DROSHA: variants seen among roughly 807,000 people sequenced by gnomAD.
DROSHA encodes drosha ribonuclease III, also known as ribonuclease 3.
Under a neutral mutation model 181.9 loss-of-function variants are expected in DROSHA, and 56 were observed. The observed-to-expected ratio is 0.31, with a 90% CI of 0.25 to 0.38. The LOEUF (loss-of-function observed/expected upper bound fraction) is 0.38, where lower values mean the gene tolerates loss of function less well. Ranked by LOEUF, DROSHA falls within the 10% of genes least tolerant of loss-of-function variation. The pLI is 1.00. For synonymous variants in DROSHA, 524 were observed against 591.2 expected, an observed-to-expected ratio of 0.89 and a Z score of 1.65; for missense variants, 1,218 against 1,743.5, an observed-to-expected ratio of 0.70 and a Z score of 5.37.
At chr5:31,482,300 G>A (rs1368478010) in intron 16 of DROSHA, among the ~76,000 whole-genome samples, 3 of 152,088 alleles carry the variant, frequency 2.0e-5, no homozygotes, top group Admixed American at 6.5e-5. Flanking sequence ...ACATTAACTC[G>A]GAGATGATGG....
chr5:31,429,509 T>C lies in DROSHA; in HGVS notation c.3182A>G (p.Lys1061Arg). The change falls in exon 27 of 36, where the codon AAG (lysine) becomes AGG (arginine). Residue 1061 changes from lysine (K) to arginine (R), a missense_variant. By Grantham distance (26) the Lys-to-Arg change is conservative (BLOSUM62 2). Transcript: ENST00000344624. ...AAAGAGCAAGCGTCCAAATAACTGC[T>C]TGGCTTCCTCCAGGCTTCCCTCCAA... The part of the protein sequence containing the change: ...VYLEGSLEEA[K>R]QLFGRLLFND... The C allele has an allele frequency of 1.9e-6, 3 of 1,612,394 alleles. No homozygotes were observed. Among genetic ancestry groups the C allele is most frequent in the Non-Finnish European group, 2.5e-6 (3 of 1,178,994 alleles).
intron 20 of DROSHA, 103 bp from the exon 21 acceptor site, chr5:31,451,743 T>C (rs1396714934): frequency 2.3e-6 from 2 of 886,516 alleles, no homozygotes; most frequent in African/African-American, 3.4e-5. Context: ...CCAAATTCCA[T>C]CTCACTAAGT....
chr5:31,418,281 C>G (rs1407139390), intron 30 of DROSHA, among the ~76,000 whole-genome samples: 4 of 150,848 alleles, frequency 2.7e-5, no homozygotes, highest in East Asian at 3.9e-4. Flanking sequence ...GAGAGAGAGA[C>G]ACAGAGAGAG....
chr5:31,426,098 CTG>C (rs1383333956), intron 27 of DROSHA, among the ~76,000 whole-genome samples: 1 of 152,080 alleles, frequency 6.6e-6, no homozygotes, highest in African/African-American at 2.4e-5. Flanking sequence ...CGAAACAAGA[CTG>C]TGATTCCTCC....
chr5:31,415,042 T>C (rs985746260), intron 30 of DROSHA, among the ~76,000 whole-genome samples: 1 of 152,370 alleles, frequency 6.6e-6, no homozygotes, highest in East Asian at 1.9e-4. Flanking sequence ...GAATCCAGGA[T>C]GTTTTCTATT....
At chr5:31,500,786 G>A (rs1753499880) in intron 11 of DROSHA, among the ~76,000 whole-genome samples, 1 of 152,210 alleles carries the variant, frequency 6.6e-6, no homozygotes, top group Admixed American at 6.5e-5. Flanking sequence ...AGGACTAAGT[G>A]CTGGAAGCCA....
chr5:31,491,185 TA>T (rs11301107), intron 13 of DROSHA, among the ~76,000 whole-genome samples: 16,637 of 140,212 alleles, frequency 0.12, 1,175 homozygotes, highest in East Asian at 0.23. Context: ...TGTCCAAGGT[TA>T]AAAAAAAAAA....
rs1749587317 is a variant in DROSHA, at chr5:31,470,313, G to A, written c.2241+1750C>T. ...GCACCCCTGGCAAGCCTATCCCAGT[G>A]ATAGCTCCTAAAATGAGAGGCTTTC... On this transcript the variant is annotated intron_variant, in intron 17 of 35. Transcript: ENST00000344624. This position sits in a 1 kb window ranked among gnomAD's most constrained non-coding sequence, Gnocchi z 4.0. Among the ~76,000 whole-genome samples, 1 of 152,178 alleles carries A rather than the reference G, an allele frequency of 6.6e-6. No homozygotes were observed. The highest frequency in any genetic ancestry group is 6.5e-5 in the Admixed American group (1 of 15,272).
chr5:31,467,319 C>T (rs185599454), intron 18 of DROSHA: 1 of 150,058 alleles, frequency 6.7e-6, no homozygotes, highest in Non-Finnish European at 1.5e-5. Flanking sequence ...AGTCAGGAAG[C>T]TGTTTGTGTG....
In DROSHA at chr5:31,486,474, A is replaced by C. The variant is rs1265958447; in HGVS notation, c.1914+17T>G. 3 of 1,611,444 alleles carry C rather than the reference A, an allele frequency of 1.9e-6. No individual in the cohort carries two copies. Among genetic ancestry groups the C allele is most frequent in the Non-Finnish European group, 2.5e-6 (3 of 1,178,542 alleles). On this transcript the variant is annotated intron_variant, in intron 14 of 35. Coordinates refer to ENST00000344624, the MANE Select transcript of DROSHA (RefSeq NM_001382508.1). ...AAGAGCAAACTACATCAAACCACAC[A>C]CAATCTTTTCCCTTACCTCCGGCAT...
chr5:31,408,999 A>C, intron 33 of DROSHA, 57 bp downstream of exon 33: 2 of 1,508,310 alleles, frequency 1.3e-6, no homozygotes, highest in Non-Finnish European at 1.8e-6. Flanking sequence ...GGCACATGGA[A>C]AGTCAATTTT....
chr5:31,407,674 T>C (rs1000941743), intron 33 of DROSHA, among the ~76,000 whole-genome samples: 1 of 152,206 alleles, frequency 6.6e-6, no homozygotes, highest in Admixed American at 6.5e-5. Flanking sequence ...ATGATCTTGA[T>C]AAAATGAGCA....
chr5:31,461,095 C>T (rs3828634), intron 20 of DROSHA, among the ~76,000 whole-genome samples: 77,502 of 151,936 alleles, frequency 0.51, 22,986 homozygotes, highest in South Asian at 0.69. Flanking sequence ...AAAGACTACC[C>T]TATCCTAAAA....
At chr5:31,483,402 T>C (rs1451911429) in intron 16 of DROSHA, among the ~76,000 whole-genome samples, 152 bp downstream of exon 16, 1 of 152,166 alleles carries the variant, frequency 6.6e-6, no homozygotes, top group African/African-American at 2.4e-5. Flanking sequence ...TAAATCCACA[T>C]GTATAATTTT....
intron 4 of DROSHA, 65 bp from the exon 5 acceptor site, chr5:31,526,977 G>T: frequency 7.0e-7 from 1 of 1,438,714 alleles, no homozygotes; most frequent in Non-Finnish European, 9.4e-7. Context: ...TGTAAACAGG[G>T]TTTCATAAAT....
At position 31,526,204 on chromosome 5, in the gene DROSHA, C is replaced by A. The variant is rs1412507378; in HGVS notation, c.729G>T (p.Arg243Ser). The A allele has an allele frequency of 1.2e-6, 2 of 1,613,854 alleles. No homozygotes were observed. The highest frequency in any genetic ancestry group is 1.7e-6 in the Non-Finnish European group (2 of 1,179,852). The change falls in exon 5 of 36, where the codon AGG becomes AGT. Residue 243 changes from arginine to serine, a missense_variant. Physicochemically the swap from Arg to Ser is moderately radical, Grantham distance 110. This residue lies in a region of DROSHA where 536 missense variants were observed against 535.4 expected (regional missense o/e 1.00). Transcript: ENST00000344624. ...HRDHSHGRGE[R>S]HRSLDRRERG... Reference sequence around the variant, plus strand: ...GCTCCCGCCGATCCAGGGACCGATGCCTCTCACCTCGCCCATGACTGTGAT... The same window carrying A: ...GCTCCCGCCGATCCAGGGACCGATGACTCTCACCTCGCCCATGACTGTGAT...
intron 6 of DROSHA, among the ~76,000 whole-genome samples, chr5:31,520,600 T>C (rs969260049): frequency 6.6e-6 from 1 of 152,174 alleles, no homozygotes; most frequent in Non-Finnish European, 1.5e-5. Context: ...CTTTGCCCAG[T>C]AATAAAATTG....
chr5:31,429,908 G>A (rs1743964621), intron 26 of DROSHA, among the ~76,000 whole-genome samples: 1 of 151,784 alleles, frequency 6.6e-6, no homozygotes, highest in African/African-American at 2.4e-5. Context: ...TATAGTATAC[G>A]TTTCAGATCA....
At position 31,484,928 on chromosome 5, in the gene DROSHA, A is replaced by G. The variant is rs1354702847; in HGVS notation, c.1949T>C (p.Leu650Pro). Residue 650 changes from leucine to proline, a missense_variant, in exon 15 of 36, where the codon CTG becomes CCG. This residue lies in a region of DROSHA where 460 missense variants were observed against 774.2 expected (regional missense o/e 0.59). Coordinates refer to ENST00000344624, the MANE Select transcript of DROSHA (RefSeq NM_001382508.1). ...TTCCAAAATATCTCTGAATAGGAAC[A>G]GTGAAAAGAGTTCAAGCCCTTTCAC... ...FCVKGLELFSLFLFRDILELY... is the reference protein window; with the variant it reads ...FCVKGLELFSPFLFRDILELY... 1 of 1,547,644 alleles carries G rather than the reference A, an allele frequency of 6.5e-7. No homozygotes were observed. The highest frequency in any genetic ancestry group is 1.2e-5 in the South Asian group (1 of 82,390).
Sources: gnomAD v4.1 joint callset for allele counts (sites outside exome capture counted in the v4.1 genomes callset) on GRCh38, gnomAD v4.1.1 for gene constraint, gnomAD v4.1.1 regional missense constraint, Gnocchi (gnomAD v3.1) non-coding constraint, MANE v1.5 for transcripts, NCBI Gene and HGNC (gene_info 2026-07-23, HGNC 2026-07-21) for gene names.